The following RAB7B variants were observed in gnomAD, a reference collection of about 807,000 sequenced individuals.
RAB7B encodes RAB7B, member RAS oncogene family.
chr1:205,988,334 T>C (rs1253515226), intron 4 of RAB7B, among the ~76,000 whole-genome samples: 1 of 149,596 alleles, frequency 6.7e-6, no homozygotes, highest in Non-Finnish European at 1.5e-5. Context: ...GTTCAAGCGA[T>C]CCTCCCAGCT....
intron 4 of RAB7B, among the ~76,000 whole-genome samples, chr1:205,991,320 T>G (rs1319538594): frequency 2.6e-5 from 4 of 152,200 alleles, no homozygotes; most frequent in Non-Finnish European, 5.9e-5. Flanking sequence ...TTGAATGAAC[T>G]TAGGACTTTG....
At chr1:205,991,510 CA>C (rs1465270420) in intron 4 of RAB7B, among the ~76,000 whole-genome samples, 2 of 152,228 alleles carry the variant, frequency 1.3e-5, no homozygotes, top group Non-Finnish European at 2.9e-5. Context: ...ACAAGCTCCT[CA>C]AACTCGCCAT....
At position 205,987,098 on chromosome 1, in the gene RAB7B, T is replaced by G. The variant is rs934320965; in HGVS notation, c.397-1433A>C. The stretch of plus-strand genomic sequence containing the variant: ...TACAGACTCTGAAATATCATTGTGA[T>G]TATGTTGCAAATTAACATTCTTTTT... On this transcript the variant is annotated intron_variant, in intron 4 of 5. Coordinates refer to ENST00000617070, the MANE Select transcript of RAB7B (RefSeq NM_001164522.3). 2.1e-4 allele frequency among the ~76,000 whole-genome samples: 32 copies of G among 152,192 alleles called. 2 individuals are homozygous for G. Among genetic ancestry groups the G allele is most frequent in the African/African-American group, 7.7e-4 (32 of 41,452 alleles).
At chr1:206,000,693 G>A (rs921948044) in intron 1 of RAB7B, among the ~76,000 whole-genome samples, 1 of 152,208 alleles carries the variant, frequency 6.6e-6, no homozygotes, top group African/African-American at 2.4e-5. Flanking sequence ...CCAGGGCCCT[G>A]GTTGGTCATG....
At chr1:205,994,232 C>T (rs908067581) in intron 1 of RAB7B, 81 bp from the exon 2 acceptor site, 43 of 397,466 alleles carry the variant, frequency 1.1e-4, no homozygotes, top group African/African-American at 6.8e-4. Context: ...CTGCTTTCCC[C>T]TTTCCAATGG....
intron 4 of RAB7B, among the ~76,000 whole-genome samples, chr1:205,989,478 A>C (rs1571795450): frequency 6.6e-6 from 1 of 151,158 alleles, no homozygotes; most frequent in African/African-American, 2.4e-5. Context: ...AGGCCTCCTA[A>C]CCCCTCTATA....
At position 205,990,895 on chromosome 1, in the gene RAB7B, C is replaced by T. The variant is rs968085656; in HGVS notation, c.396+1585G>A. ...TTCCGCCTCCCAGGTTCAAGCGATT[C>T]TCCTGCCTCATCCTCCTGAGTAGCT... On this transcript the variant is annotated intron_variant, in intron 4 of 5. Coordinates refer to ENST00000617070, the MANE Select transcript of RAB7B (RefSeq NM_001164522.3). 3.7e-4 allele frequency among the ~76,000 whole-genome samples: 55 copies of T among 150,108 alleles called. No individual in the cohort carries two copies. In the Middle Eastern group the frequency reaches 0.01, roughly 29 times the overall value.
intron 2 of RAB7B, among the ~76,000 whole-genome samples, 179 bp downstream of exon 2, chr1:205,993,904 C>T (rs1660767260): frequency 6.6e-6 from 1 of 152,204 alleles, no homozygotes; most frequent in South Asian, 2.1e-4. Context: ...GGACTGGAAA[C>T]CATCTGTTTA....
intron 1 of RAB7B, among the ~76,000 whole-genome samples, chr1:205,998,567 C>T (rs988340410): frequency 6.6e-6 from 1 of 152,154 alleles, no homozygotes; most frequent in African/African-American, 2.4e-5. Context: ...GTGGAGAGAA[C>T]TGGAGCTGCC....
rs1008451541 is a variant in RAB7B, at chr1:205,978,034, C to T, written c.*817G>A. ...TGTTTGTCACTGGACTTCAATGCATCGTACATAGTAGATACGCAAAAATAA... is the reference window on the plus strand; with the variant it reads ...TGTTTGTCACTGGACTTCAATGCATTGTACATAGTAGATACGCAAAAATAA... On this transcript the variant is annotated 3_prime_UTR_variant, in exon 6 of 6. Transcript: ENST00000617070. The T allele has an allele frequency of 2.0e-5, 3 of 152,162 alleles. No individual in the cohort carries two copies. The highest frequency in any genetic ancestry group is 6.5e-5 in the Admixed American group (1 of 15,276). 9.4% of individuals were successfully genotyped at this position (152,162 alleles called of 1,614,324 possible).
rs1408418681 is a variant in RAB7B, at chr1:205,992,702, G to A, written c.181-7C>T. 5 of 398,750 alleles carry A rather than the reference G, an allele frequency of 1.3e-5. No individual in the cohort carries two copies. The highest frequency in any genetic ancestry group is 8.8e-5 in the Admixed American group (2 of 22,728). The allele number at this position is 398,750 out of a possible 1,614,324, so 24.7% of individuals were successfully genotyped here. Reference sequence around the variant, plus strand: ...GACCGCCCGTGTCCCAGATCTGGAGGGGAAAGCAGTTGCCCCATGGGGCTG... The same window carrying A: ...GACCGCCCGTGTCCCAGATCTGGAGAGGAAAGCAGTTGCCCCATGGGGCTG... On this transcript the variant is annotated splice_polypyrimidine_tract_variant and splice_region_variant and intron_variant, in intron 3 of 5. Transcript: ENST00000617070.
intron 2 of RAB7B, among the ~76,000 whole-genome samples, chr1:205,993,773 T>A (rs1314512092): frequency 6.6e-6 from 1 of 152,074 alleles, no homozygotes; most frequent in Non-Finnish European, 1.5e-5. Flanking sequence ...CTGGAGACGG[T>A]GGAATATCTC....
chr1:205,997,112 C>G (rs1246177815), intron 1 of RAB7B, among the ~76,000 whole-genome samples: 1 of 152,230 alleles, frequency 6.6e-6, no homozygotes, highest in Non-Finnish European at 1.5e-5. Context: ...AACTTCTGCT[C>G]TAACCCAGGA....
At chr1:205,989,495 C>T (rs1028259017) in intron 4 of RAB7B, among the ~76,000 whole-genome samples, 5 of 152,046 alleles carry the variant, frequency 3.3e-5, no homozygotes, top group African/African-American at 4.8e-5. Context: ...TATACGCAGC[C>T]GCCACCTCTC....
chr1:205,979,002 G>A, intron 5 of RAB7B, 74 bp from the exon 6 acceptor site: 1 of 397,490 alleles, frequency 2.5e-6, no homozygotes, highest in Non-Finnish European at 4.4e-6. Context: ...ATTTCTTAGT[G>A]GGCCTCAGAG....
chr1:206,000,955 G>A (rs1003954673), intron 1 of RAB7B, among the ~76,000 whole-genome samples: 69 of 152,294 alleles, frequency 4.5e-4, no homozygotes, highest in African/African-American at 1.5e-3. Context: ...AAGTTACCTC[G>A]GCCTTAACTT....
At chr1:205,980,311 C>T (rs1208461507) in intron 5 of RAB7B, among the ~76,000 whole-genome samples, 1 of 152,242 alleles carries the variant, frequency 6.6e-6, no homozygotes, top group Admixed American at 6.5e-5. Flanking sequence ...GCTAGTGTTG[C>T]CCTAATGACA....
intron 1 of RAB7B, 92 bp downstream of exon 1, chr1:206,003,161 C>T (rs1319356162): frequency 2.0e-5 from 3 of 152,330 alleles, no homozygotes; most frequent in Non-Finnish European, 4.4e-5. Context: ...TCCTTGCATT[C>T]CCTGCCTCCA....
intron 4 of RAB7B, among the ~76,000 whole-genome samples, chr1:205,990,791 C>CTTTTTTTTTTT: frequency 7.2e-6 from 1 of 138,646 alleles, no homozygotes; most frequent in Non-Finnish European, 1.5e-5. Flanking sequence ...TTCTTTCTTT[C>CTTTTTTTTTTT]TTTTTTTTTT....
Sources: allele counts gnomAD v4.1 joint callset (sites outside exome capture counted in the v4.1 genomes callset), GRCh38; gene constraint gnomAD v4.1.1; transcripts MANE v1.5; gene names NCBI Gene and HGNC (gene_info 2026-07-23, HGNC 2026-07-21).